The following CADPS variants were observed in gnomAD, a reference collection of about 807,000 sequenced individuals.
CADPS encodes the protein calcium-dependent secretion activator 1.
A neutral mutation model predicts 167.3 loss-of-function variants in CADPS; 57 were observed. The observed-to-expected ratio is 0.34, with a 90% CI of 0.28 to 0.42. The LOEUF (loss-of-function observed/expected upper bound fraction) is 0.42, where lower values mean the gene tolerates loss of function less well. Ranked by LOEUF, CADPS falls within the 20% of genes least tolerant of loss-of-function variation. The pLI, the probability that CADPS is intolerant of heterozygous loss-of-function variation, is 1.00. For missense variants in CADPS, 1,414 were observed against 1,738.1 expected (o/e 0.81, Z 3.32); for synonymous variants, 676 against 635.3 (o/e 1.06, Z -0.96).
chr3:62,512,862 C>T, intron 16 of CADPS, 94 bp from the exon 17 acceptor site: 2 of 1,037,438 alleles, frequency 1.9e-6, no homozygotes, highest in Non-Finnish European at 1.4e-6. Context: ...ATGCCCCCCA[C>T]TTATGTGTGA....
chr3:62,862,701 G>A (rs1009726399), intron 1 of CADPS, among the ~76,000 whole-genome samples: 2 of 152,174 alleles, frequency 1.3e-5, no homozygotes, highest in Non-Finnish European at 1.5e-5. Context: ...CTCTAAAAGC[G>A]TGAATCACTA....
At chr3:62,479,787 T>C (rs1314236757) in intron 22 of CADPS, among the ~76,000 whole-genome samples, 2 of 152,196 alleles carry the variant, frequency 1.3e-5, no homozygotes, top group Non-Finnish European at 2.9e-5. Context: ...GGTGGGTGAT[T>C]GAGAATCCAC....
At chr3:62,470,729 C>G (rs1560824407) in intron 24 of CADPS, 1 of 152,094 alleles carries the variant, frequency 6.6e-6, no homozygotes, top group South Asian at 2.1e-4. Context: ...CGAAAGATCT[C>G]TCTAAGATGG....
At position 62,753,419 on chromosome 3, in the gene CADPS, G is replaced by T; in HGVS notation, c.888+22C>A. 6.4e-7 allele frequency: 1 copy of T among 1,572,046 alleles called. No individual in the cohort carries two copies. The highest frequency in any genetic ancestry group is 8.7e-7 in the Non-Finnish European group (1 of 1,148,260). On this transcript the variant is annotated intron_variant, in intron 3 of 29. Transcript: ENST00000383710. The surrounding 1 kb of genome is among the most constrained non-coding windows in gnomAD (Gnocchi z 4.6). Reference sequence around the variant, plus strand: ...CAGCTCTGCTTACCCACAGCTCTAGGCCCAGGCGAGAAACACCTTACCTGG... The same window carrying T: ...CAGCTCTGCTTACCCACAGCTCTAGTCCCAGGCGAGAAACACCTTACCTGG...
At chr3:62,744,367 AAAG>A (rs563855018) in intron 3 of CADPS, among the ~76,000 whole-genome samples, 82 of 152,246 alleles carry the variant, frequency 5.4e-4, no homozygotes, top group Non-Finnish European at 1.0e-3. Context: ...TCAAAAAAAA[AAAG>A]GATTGAAACA....
rs145947844 is a variant in CADPS, at chr3:62,585,072, C to A, written c.1577+113G>T. The A allele has an allele frequency of 7.8e-4, 764 of 981,376 alleles. 7 individuals carry two copies. The East Asian group carries it at 0.019, about 24-fold the overall frequency. The allele number at this position is 981,376 out of a possible 1,614,324, so 60.8% of individuals were successfully genotyped here. ...AAAGTCGAATATTTTAATATGAATT[C>A]TTTATATTTCCTTCTACATAGTTCT... is the stretch of plus-strand genomic sequence containing the variant. On this transcript the variant is annotated intron_variant, in intron 8 of 29. Coordinates refer to ENST00000383710, the MANE Select transcript of CADPS (RefSeq NM_003716.4).
chr3:62,466,774 A>G (rs1320158860), intron 24 of CADPS: 2 of 247,724 alleles, frequency 8.1e-6, no homozygotes, highest in Non-Finnish European at 1.6e-5. Flanking sequence ...GAGATTAAAA[A>G]TTATCTTTGG....
intron 2 of CADPS, among the ~76,000 whole-genome samples, chr3:62,756,091 T>C (rs1241866035): frequency 1.3e-5 from 2 of 151,612 alleles, no homozygotes; most frequent in Non-Finnish European, 2.9e-5. Context: ...TCTCACTTTG[T>C]TGCCCAGGCT....
chr3:62,852,376 T>G (rs945114089), intron 1 of CADPS, among the ~76,000 whole-genome samples: 1 of 152,176 alleles, frequency 6.6e-6, no homozygotes, highest in Non-Finnish European at 1.5e-5. Flanking sequence ...TCGCTCACAC[T>G]GGGAGCTGTA....
chr3:62,490,892 G>C (rs77837868), intron 21 of CADPS, among the ~76,000 whole-genome samples: 1 of 152,148 alleles, frequency 6.6e-6, no homozygotes, highest in African/African-American at 2.4e-5. Flanking sequence ...GAGTTGAGTT[G>C]TGACAGAGAT....
chr3:62,604,730 G>A (rs974706990), intron 6 of CADPS, among the ~76,000 whole-genome samples: 1 of 152,174 alleles, frequency 6.6e-6, no homozygotes, highest in Non-Finnish European at 1.5e-5. Flanking sequence ...TTTGTCCTTC[G>A]AAATGTTGGC....
chr3:62,598,989 C>G (rs2059305092), intron 6 of CADPS, among the ~76,000 whole-genome samples: 1 of 152,108 alleles, frequency 6.6e-6, no homozygotes, highest in Non-Finnish European at 1.5e-5. Flanking sequence ...CATCAAAAAC[C>G]TTGGCCTTTT....
chr3:62,671,142 G>C (rs2075436609), intron 3 of CADPS, among the ~76,000 whole-genome samples: 2 of 152,174 alleles, frequency 1.3e-5, no homozygotes, highest in African/African-American at 4.8e-5. Flanking sequence ...GGCTTGTTAT[G>C]AAAACGAAAG....
At chr3:62,812,957 T>C (rs2094454681) in intron 1 of CADPS, among the ~76,000 whole-genome samples, 1 of 152,086 alleles carries the variant, frequency 6.6e-6, no homozygotes, top group Admixed American at 6.6e-5. Flanking sequence ...AGAAGGGCAC[T>C]GGACAAAAAC....
chr3:62,482,936 T>G (rs1409583443), intron 21 of CADPS, among the ~76,000 whole-genome samples: 2 of 152,178 alleles, frequency 1.3e-5, no homozygotes, highest in African/African-American at 2.4e-5. Context: ...ATGGATGGTT[T>G]TATAAGTAGA....
intron 3 of CADPS, among the ~76,000 whole-genome samples, chr3:62,676,736 A>G (rs1374429227): frequency 6.6e-6 from 1 of 152,130 alleles, no homozygotes; most frequent in Admixed American, 6.6e-5. Flanking sequence ...GAGATATCAA[A>G]TCATGATGCC....
chr3:62,722,988 C>G (rs1403443715), intron 3 of CADPS, among the ~76,000 whole-genome samples: 1 of 152,074 alleles, frequency 6.6e-6, no homozygotes, highest in Admixed American at 6.6e-5. Context: ...AAAATTGCCC[C>G]CAGTTGAGAA....
intron 1 of CADPS, among the ~76,000 whole-genome samples, chr3:62,855,555 C>T (rs1198777044): frequency 2.0e-5 from 3 of 151,908 alleles, no homozygotes; most frequent in South Asian, 2.1e-4. Context: ...TCAGGAAGCA[C>T]CAAGAGTAGC....
At chr3:62,682,527 C>G (rs573110814) in intron 3 of CADPS, among the ~76,000 whole-genome samples, 15 of 152,172 alleles carry the variant, frequency 9.9e-5, no homozygotes, top group African/African-American at 3.6e-4. Context: ...GATTTTCAAA[C>G]TAGTCCATTT....
Sources: gnomAD v4.1 joint callset for allele counts (sites outside exome capture counted in the v4.1 genomes callset) on GRCh38, gnomAD v4.1.1 for gene constraint, Gnocchi (gnomAD v3.1) non-coding constraint, MANE v1.5 for transcripts, NCBI Gene and HGNC (gene_info 2026-07-23, HGNC 2026-07-21) for gene names.